The following MAP3K14 variants were observed in gnomAD, a reference collection of about 807,000 sequenced individuals.
MAP3K14 encodes the protein NF-kappa-beta-inducing kinase.
Under a neutral mutation model 99.2 loss-of-function variants are expected in MAP3K14, and 16 were observed. The observed-to-expected ratio is 0.16, with a 90% CI of 0.11 to 0.24. The LOEUF is 0.24. Ranked by LOEUF, MAP3K14 falls within the 10% of genes least tolerant of loss-of-function variation. The probability of loss-of-function intolerance (pLI) is 1.00; values close to 1 mark genes in which losing one functional copy is unlikely to be tolerated. For missense variants in MAP3K14, 784 were observed against 1,208.7 expected, an observed-to-expected ratio of 0.65 and a Z score of 5.21; for synonymous variants, 462 against 492.4, an observed-to-expected ratio of 0.94 and a Z score of 0.82.
Position 45,286,821 on chromosome 17 carries a change from G to C in MAP3K14, c.762C>G (p.Pro254=). 1 of 1,613,542 alleles carries C rather than the reference G, an allele frequency of 6.2e-7. No individual in the cohort carries two copies. The highest frequency in any genetic ancestry group is 1.1e-5 in the South Asian group (1 of 90,990). The part of the protein sequence containing the change: ...HPQDGGPLPL[P]THPFPYSRLP... ...GTCTGCTATAGGGGAAGGGGTGCGT[G>C]GGCAGGGGCAGGGGGCCTCCGTCCT... The change falls in exon 5 of 16, where the codon CCC becomes CCG. Residue 254 remains proline, a synonymous_variant. Coordinates refer to ENST00000344686, the MANE Select transcript of MAP3K14 (RefSeq NM_003954.5). This position sits in a 1 kb window ranked among gnomAD's most constrained non-coding sequence, Gnocchi z 4.1.
At chr17:45,297,885 A>G (rs957944220) in intron 1 of MAP3K14, among the ~76,000 whole-genome samples, 4 of 151,706 alleles carry the variant, frequency 2.6e-5, no homozygotes, top group Non-Finnish European at 4.4e-5. Flanking sequence ...CATCTGGCTA[A>G]TTTTTGTATT....
At chr17:45,271,666 T>C (rs989352128) in intron 9 of MAP3K14, among the ~76,000 whole-genome samples, 1 of 152,106 alleles carries the variant, frequency 6.6e-6, no homozygotes, top group Non-Finnish European at 1.5e-5. Flanking sequence ...ACTTTAAATA[T>C]AGAAATAAAG....
chr17:45,276,199 C>T (rs2044179000), intron 6 of MAP3K14, among the ~76,000 whole-genome samples: 1 of 152,180 alleles, frequency 6.6e-6, no homozygotes, highest in South Asian at 2.1e-4. Flanking sequence ...AGGCCACTCC[C>T]ACTGCCAAAT....
At position 45,267,649 on chromosome 17, in the gene MAP3K14, G is replaced by A. The variant is rs2044103305; in HGVS notation, c.2083C>T (p.Pro695Ser). The change falls in exon 12 of 16, where the codon CCA (proline) becomes TCA (serine). Residue 695 changes from proline (P) to serine (S), a missense_variant. By Grantham distance (74) the Pro-to-Ser change is moderately conservative (BLOSUM62 -1). Transcript: ENST00000344686. The surrounding 1 kb of genome is among the most constrained non-coding windows in gnomAD (Gnocchi z 5.1). ...TLHAQPRELS[P>S]RAPGPRPAEE... ...GCTGGCCGGGGCCCTGGGGCCCTTG[G>A]CGAAAGCTCTCTCGGCTGGGCATGG... 3 of 1,613,686 alleles carry A rather than the reference G, an allele frequency of 1.9e-6. No individual in the cohort carries two copies. The highest frequency in any genetic ancestry group is 3.3e-4 in the Middle Eastern group (2 of 6,062).
In MAP3K14 at chr17:45,267,584, A is replaced by T. The variant is rs1305608978; in HGVS notation, c.2148T>A (p.Pro716=). Residue 716 remains proline (P), a synonymous_variant, in exon 12 of 16, where the codon CCT becomes CCA. Coordinates refer to ENST00000344686, the MANE Select transcript of MAP3K14 (RefSeq NM_003954.5). The surrounding 1 kb of genome is among the most constrained non-coding windows in gnomAD (Gnocchi z 5.1). ...TTGGCTCTGGGGGCTCTGGTGGGAGAGGAGGCTGGAGCTTAGGGGCTCTGC... is the reference window on the plus strand; with the variant it reads ...TTGGCTCTGGGGGCTCTGGTGGGAGTGGAGGCTGGAGCTTAGGGGCTCTGC... ...TTGRAPKLQP[P]LPPEPPEPNK... The T allele has an allele frequency of 3.1e-6, 5 of 1,612,994 alleles. No individual in the cohort carries two copies. The African/African-American group carries it at 6.7e-5, about 22-fold the overall frequency.
chr17:45,284,369 G>A (rs565989574), intron 6 of MAP3K14, among the ~76,000 whole-genome samples: 2 of 152,320 alleles, frequency 1.3e-5, no homozygotes, highest in East Asian at 3.9e-4. Context: ...TGGCAGATCT[G>A]CCCACTCCCA....
intron 1 of MAP3K14, among the ~76,000 whole-genome samples, chr17:45,294,608 G>C (rs2044334563): frequency 6.6e-6 from 1 of 152,232 alleles, no homozygotes; most frequent in South Asian, 2.1e-4. Flanking sequence ...CCGAGGAAAA[G>C]CTCTCCAATG....
rs533987400 is a variant in MAP3K14 at position 45,297,501 on chromosome 17, T to G, written c.-20-6736A>C. 6.0e-4 allele frequency among the ~76,000 whole-genome samples: 92 copies of G among 152,178 alleles called. 1 individual carries two copies. Among genetic ancestry groups the G allele is most frequent in the Non-Finnish European group, 1.2e-3 (80 of 68,036 alleles). ...TGATGGTTTTAACAGGTCGTTTCAT[T>G]TTCTTGAAACAATCAAACAAATGCA... On this transcript the variant is annotated intron_variant, in intron 1 of 15. Transcript: ENST00000344686.
At position 45,290,726 on chromosome 17, in the gene MAP3K14, G is replaced by T; in HGVS notation, c.20C>A (p.Ala7Asp). 9 of 1,613,082 alleles carry T rather than the reference G, an allele frequency of 5.6e-6. No individual in the cohort carries two copies. The highest frequency in any genetic ancestry group is 7.6e-6 in the Non-Finnish European group (9 of 1,179,542). The change falls in exon 2 of 16, where the codon GCC (alanine) becomes GAC (aspartate). Residue 7 changes from alanine (A) to aspartate (D), a missense_variant. Around this residue, in one of 5 missense-constraint regions of MAP3K14, gnomAD observed 188 missense variants for 313.0 expected, o/e 0.60. Transcript: ENST00000344686. ...TGCTGAGCCAGGGGCACCTGGGCAG[G>T]CCATTTCCATCACTGCCATCTCCCA... The part of the protein sequence containing the change: MAVMEM[A>D]CPGAPGSAVG...
chr17:45,302,972 G>T (rs942772401), intron 1 of MAP3K14, among the ~76,000 whole-genome samples: 90 of 152,268 alleles, frequency 5.9e-4, no homozygotes, highest in African/African-American at 1.9e-3. Flanking sequence ...GAAATAGGAA[G>T]GTGCTCAGAA....
At chr17:45,281,640 C>CTTTTTTTTTTTTT (rs36123440) in intron 6 of MAP3K14, 1 of 97,132 alleles carries the variant, frequency 1.0e-5, no homozygotes, top group Admixed American at 1.2e-4. Context: ...GATCTTACTT[C>CTTTTTTTTTTTTT]TTTTTTTTTT....
intron 9 of MAP3K14, 52 bp downstream of exon 9, chr17:45,273,451 C>CATTTGG: frequency 7.3e-7 from 1 of 1,367,190 alleles, no homozygotes; most frequent in Non-Finnish European, 1.0e-6. Context: ...GCATGGAAGG[C>CATTTGG]ATTTGGCGAA....
Sources: gnomAD v4.1 joint callset for allele counts (sites outside exome capture counted in the v4.1 genomes callset) on GRCh38, gnomAD v4.1.1 for gene constraint, gnomAD v4.1.1 regional missense constraint, Gnocchi (gnomAD v3.1) non-coding constraint, MANE v1.5 for transcripts, NCBI Gene and HGNC (gene_info 2026-07-23, HGNC 2026-07-21) for gene names.